HDAC9: variants seen among roughly 807,000 people sequenced by gnomAD.
HDAC9 encodes histone deacetylase 9.
In HDAC9, 41 loss-of-function variants were observed where a neutral mutation model predicts 139.4. The ratio of observed to expected loss-of-function variants is 0.29; its 90% CI spans 0.23 to 0.38. The LOEUF is 0.38. HDAC9 is among the 10% of genes least tolerant of loss of function. The pLI, the probability that HDAC9 is intolerant of heterozygous loss-of-function variation, is 1.00. For synonymous variants in HDAC9, 517 were observed against 476.2 expected, an observed-to-expected ratio of 1.09 and a Z score of -1.12; for missense variants, 1,147 against 1,297.0, an observed-to-expected ratio of 0.88 and a Z score of 1.78.
At chr7:18,207,866 C>T (rs562957871) in intron 2 of HDAC9, among the ~76,000 whole-genome samples, 68 of 151,980 alleles carry the variant, frequency 4.5e-4, no homozygotes, top group African/African-American at 1.5e-3. Flanking sequence ...AGGCATGAGC[C>T]ACCACGCCCG....
intron 2 of HDAC9, among the ~76,000 whole-genome samples, chr7:18,162,849 C>T (rs1787737440): frequency 6.6e-6 from 1 of 152,128 alleles, no homozygotes; most frequent in South Asian, 2.1e-4. Context: ...ATAATCTCAG[C>T]ACCTGCTTCC....
At chr7:18,942,508 C>A (rs1782092522) in intron 23 of HDAC9, among the ~76,000 whole-genome samples, 1 of 152,016 alleles carries the variant, frequency 6.6e-6, no homozygotes, top group African/African-American at 2.4e-5. Flanking sequence ...GAATCCCAAG[C>A]TTTGGTGTAA....
upstream of HDAC9, among the ~76,000 whole-genome samples, chr7:18,288,144 G>A (rs1351832293): frequency 2.0e-5 from 3 of 152,186 alleles, no homozygotes; most frequent in African/African-American, 7.2e-5. Flanking sequence ...GTGGCTCATG[G>A]TATTTGAATA....
intron 7 of HDAC9, among the ~76,000 whole-genome samples, chr7:18,633,703 AT>A (rs1783008099): frequency 6.6e-6 from 1 of 152,030 alleles, no homozygotes; most frequent in African/African-American, 2.4e-5. Flanking sequence ...AGCTAGGAAG[AT>A]TTTGAAATGA....
At chr7:18,920,162 T>C (rs2129295677) in intron 22 of HDAC9, among the ~76,000 whole-genome samples, 1 of 152,274 alleles carries the variant, frequency 6.6e-6, no homozygotes, top group East Asian at 1.9e-4. Flanking sequence ...TTGTATCCTC[T>C]TTTATTTCCT....
intron 12 of HDAC9, among the ~76,000 whole-genome samples, chr7:18,677,128 C>A (rs1379089465): frequency 6.6e-6 from 1 of 151,892 alleles, no homozygotes; most frequent in Non-Finnish European, 1.5e-5. Context: ...TATACTCAGA[C>A]TCACATCCTC....
intron 1 of HDAC9, among the ~76,000 whole-genome samples, chr7:18,311,272 A>G (rs529507232): frequency 4.6e-5 from 7 of 151,682 alleles, no homozygotes; most frequent in African/African-American, 1.7e-4. Context: ...TTTGAACATA[A>G]CCCCCAATGA....
intron 1 of HDAC9, among the ~76,000 whole-genome samples, chr7:18,304,047 A>G (rs1224703695): frequency 6.6e-6 from 1 of 152,226 alleles, no homozygotes; most frequent in Non-Finnish European, 1.5e-5. Context: ...AGAGAGTCCC[A>G]TAGAATTTCG....
In HDAC9 at chr7:18,601,902, A is replaced by G. The variant is rs117010290; in HGVS notation, c.664+7873A>G. Among the ~76,000 whole-genome samples the G allele has an allele frequency of 8.7e-3, 1,326 of 152,280 alleles. 6 individuals are homozygous for G. Among genetic ancestry groups the G allele is most frequent in the Non-Finnish European group, 0.012 (827 of 67,998 alleles). ...GTGGAAGATTTTAAAATCTATATTC[A>G]GGAGAGATAATTGATCAATGGCTAT... On this transcript the variant is annotated intron_variant, in intron 6 of 25. Coordinates refer to ENST00000686413, the MANE Select transcript of HDAC9 (RefSeq NM_178425.4).
rs1034598486 is a variant in HDAC9, at chr7:18,996,536, A to G, written c.*474A>G. The G allele has an allele frequency of 2.0e-5, 3 of 153,544 alleles. No homozygotes were observed. The highest frequency in any genetic ancestry group is 7.2e-5 in the African/African-American group (3 of 41,452). 9.5% of individuals were successfully genotyped at this position (153,544 alleles called of 1,614,324 possible). A position where few individuals can be genotyped will look rare whatever the true frequency, so the allele number is the denominator to read the frequency against. On this transcript the variant is annotated 3_prime_UTR_variant, in exon 26 of 26. Transcript: ENST00000686413. ...TTGTTTACAAGATTTGCTTTTAGCT[A>G]TGAACGGATCGTAATTCCACCCAGA...
Position 18,789,310 on chromosome 7 carries a change from AGTCT to A in HDAC9, c.2215-4034_2215-4031del, listed in dbSNP as rs1562942918. Among the ~76,000 whole-genome samples the A allele has an allele frequency of 8.8e-4, 131 of 149,256 alleles. 2 individuals carry two copies. The highest frequency in any genetic ancestry group is 2.8e-3 in the African/African-American group (113 of 40,094). On this transcript the variant is annotated intron_variant, in intron 16 of 25. Coordinates refer to ENST00000686413, the MANE Select transcript of HDAC9 (RefSeq NM_178425.4). ...CGCACACACACACACACACACACACAGTCTCTCTCTCTCTCTCTTTCTCCCTTTC... is the reference window on the plus strand; with the variant it reads ...CGCACACACACACACACACACACACACTCTCTCTCTCTCTTTCTCCCTTTC...
chr7:18,129,492 T>G (rs1236014466), intron 1 of HDAC9, among the ~76,000 whole-genome samples: 3 of 152,168 alleles, frequency 2.0e-5, no homozygotes, highest in African/African-American at 7.2e-5. Flanking sequence ...TGAAGGCATG[T>G]ACACATAAAT....
At chr7:18,410,225 G>C (rs148881552) in intron 1 of HDAC9, among the ~76,000 whole-genome samples, 1 of 152,298 alleles carries the variant, frequency 6.6e-6, no homozygotes, top group East Asian at 1.9e-4. Context: ...CCTATGGTCA[G>C]GGTGATGGAG....
intron 6 of HDAC9, among the ~76,000 whole-genome samples, chr7:18,612,062 A>G (rs1837309915): frequency 6.6e-6 from 1 of 152,160 alleles, no homozygotes; most frequent in Non-Finnish European, 1.5e-5. Context: ...ATGTCATAGT[A>G]GTGCCAAAAT....
chr7:18,668,414 T>C (rs1795417634), intron 12 of HDAC9: 23 of 938,622 alleles, frequency 2.5e-5, no homozygotes, highest in Admixed American at 6.2e-5. Flanking sequence ...TTCAAAGTCT[T>C]TTTTCAATCT....
Position 18,856,771 on chromosome 7 carries a change from A to G in HDAC9, c.2685-17707A>G, listed in dbSNP as rs187849805. Among the ~76,000 whole-genome samples, 46 of 152,276 alleles carry G rather than the reference A, an allele frequency of 3.0e-4. 1 individual carries two copies. The highest frequency in any genetic ancestry group is 1.1e-3 in the African/African-American group (44 of 41,566). Reference sequence around the variant, plus strand: ...CTTTCTATTAACATTTTTTTGGTGAATGTGAACAATACAATCAAATGTAAC... The same window carrying G: ...CTTTCTATTAACATTTTTTTGGTGAGTGTGAACAATACAATCAAATGTAAC... On this transcript the variant is annotated intron_variant, in intron 21 of 25. Transcript: ENST00000686413.
chr7:18,987,736 A>C (rs1465799680), intron 25 of HDAC9, among the ~76,000 whole-genome samples: 4 of 152,012 alleles, frequency 2.6e-5, no homozygotes, highest in Admixed American at 1.3e-4. Context: ...TTATTGCCAC[A>C]ATTTCAGCTC....
chr7:18,790,006 T>C (rs998506214), intron 16 of HDAC9, among the ~76,000 whole-genome samples: 1 of 152,102 alleles, frequency 6.6e-6, no homozygotes, highest in Non-Finnish European at 1.5e-5. Context: ...ATTGAGAATA[T>C]TGGAAAGTGG....
intron 25 of HDAC9, among the ~76,000 whole-genome samples, chr7:18,976,667 T>C (rs1784571305): frequency 1.3e-5 from 2 of 152,242 alleles, no homozygotes; most frequent in South Asian, 4.1e-4. Flanking sequence ...GCATTTGGTG[T>C]TCATCATTCA....
Sources: gnomAD v4.1 joint callset for allele counts (sites outside exome capture counted in the v4.1 genomes callset) on GRCh38, gnomAD v4.1.1 for gene constraint, MANE v1.5 for transcripts, NCBI Gene and HGNC (gene_info 2026-07-23, HGNC 2026-07-21) for gene names.